The following TERB2 variants were observed in gnomAD, a reference collection of about 807,000 sequenced individuals.
The protein encoded by TERB2 is telomere repeats-binding bouquet formation protein 2.
A neutral mutation model predicts 29.8 loss-of-function variants in TERB2; 26 were observed. The observed-to-expected ratio is 0.87, with a 90% CI of 0.64 to 1.21. The LOEUF is 1.21. Ranked by LOEUF, TERB2 falls within the 50% of genes most tolerant of loss-of-function variation. The pLI, the probability that TERB2 is intolerant of heterozygous loss-of-function variation, is 0.00. For synonymous variants in TERB2, 80 were observed against 90.8 expected, an observed-to-expected ratio of 0.88 and a Z score of 0.68; for missense variants, 240 against 268.6, an observed-to-expected ratio of 0.89 and a Z score of 0.74.
rs777045402 is a variant in TERB2, at chr15:44,961,570, T to A, written c.334T>A (p.Phe112Ile). 6.9e-6 allele frequency: 11 copies of A among 1,594,526 alleles called. No homozygotes were observed. The highest frequency in any genetic ancestry group is 9.4e-6 in the Non-Finnish European group (11 of 1,170,736). The change falls in exon 4 of 7, where the codon TTT becomes ATT. Residue 112 changes from phenylalanine (F) to isoleucine (I), a missense_variant. Physicochemically the swap from Phe to Ile is conservative, Grantham distance 21 (BLOSUM62 0). Coordinates refer to ENST00000340827, the MANE Select transcript of TERB2 (RefSeq NM_152448.3). ...GSFIWEQDQHFLIEKHDEVTP... is the reference protein window; with the variant it reads ...GSFIWEQDQHILIEKHDEVTP... ...TTTTATTTGGGAACAAGACCAACAT[T>A]TTCTGATAGAAAAGGTAAGAGTAAA...
intron 2 of TERB2, among the ~76,000 whole-genome samples, chr15:44,957,474 A>G (rs1184397463): frequency 6.6e-6 from 1 of 151,898 alleles, no homozygotes; most frequent in Non-Finnish European, 1.5e-5. Flanking sequence ...CTCATACTCA[A>G]TGTCTAAATC....
chr15:44,964,988 C>A (rs1489392339), intron 4 of TERB2, among the ~76,000 whole-genome samples: 3 of 151,282 alleles, frequency 2.0e-5, no homozygotes, highest in Non-Finnish European at 2.9e-5. Flanking sequence ...ATGGCAAAAC[C>A]CCGTCTCTAC....
intron 4 of TERB2, among the ~76,000 whole-genome samples, chr15:44,962,459 G>A (rs2141240028): frequency 6.6e-6 from 1 of 152,152 alleles, no homozygotes; most frequent in African/African-American, 2.4e-5. Flanking sequence ...AAAGTGCTGG[G>A]ATTACAGGCG....
At chr15:44,969,391 C>G (rs891563881) in intron 5 of TERB2, among the ~76,000 whole-genome samples, 1 of 152,194 alleles carries the variant, frequency 6.6e-6, no homozygotes, top group South Asian at 2.1e-4. Context: ...TATAGGTGTG[C>G]GCCAACTCGC....
chr15:44,973,385 GAA>G (rs1361161450), intron 5 of TERB2, among the ~76,000 whole-genome samples: 1 of 152,062 alleles, frequency 6.6e-6, no homozygotes, highest in East Asian at 1.9e-4. Context: ...GGGATATGGA[GAA>G]AAAGACCCAG....
chr15:44,979,084 C>A lies in TERB2; in HGVS notation c.*456C>A, dbSNP rs1892088338. 6.6e-6 allele frequency: 1 copy of A among 152,096 alleles called. No individual in the cohort carries two copies. The highest frequency in any genetic ancestry group is 2.4e-5 in the African/African-American group (1 of 41,394). 9.4% of individuals were successfully genotyped at this position (152,096 alleles called of 1,614,324 possible). A position where few individuals can be genotyped will look rare whatever the true frequency, so the allele number is the denominator to read the frequency against. On this transcript the variant is annotated 3_prime_UTR_variant, in exon 7 of 7. Coordinates refer to ENST00000340827, the MANE Select transcript of TERB2 (RefSeq NM_152448.3). ...TGCTAAGTTTTATTAATCTGGTCAT[C>A]TTATTTTGATTTTAAAAATTAGGAT...
At chr15:44,968,552 C>A (rs60862121) in intron 5 of TERB2, among the ~76,000 whole-genome samples, 2,481 of 144,886 alleles carry the variant, frequency 0.017, 22 homozygotes, top group Middle Eastern at 0.033. Flanking sequence ...ATGATGTGTA[C>A]TGGCAGCATA....
intron 2 of TERB2, among the ~76,000 whole-genome samples, chr15:44,957,604 C>G (rs1368697984): frequency 6.6e-6 from 1 of 152,166 alleles, no homozygotes; most frequent in Non-Finnish European, 1.5e-5. Flanking sequence ...TGAATTAGAT[C>G]CCTGTAATTG....
intron 5 of TERB2, among the ~76,000 whole-genome samples, chr15:44,966,858 G>T (rs1032110674): frequency 2.6e-5 from 4 of 152,152 alleles, no homozygotes; most frequent in Admixed American, 2.0e-4. Flanking sequence ...CAGCACTTAG[G>T]GAGGCTGAAG....
At chr15:44,958,280 C>G in intron 2 of TERB2, 93 bp from the exon 3 acceptor site, 7 of 1,406,092 alleles carry the variant, frequency 5.0e-6, no homozygotes, top group Non-Finnish European at 5.7e-6. Flanking sequence ...ATGTAATCGT[C>G]TCCCTACTTC....
At position 44,961,543 on chromosome 15, in the gene TERB2, A is replaced by T; in HGVS notation, c.307A>T (p.Ser103Cys). The change falls in exon 4 of 7, where the codon AGT becomes TGT. Residue 103 changes from serine to cysteine, a missense_variant. Coordinates refer to ENST00000340827, the MANE Select transcript of TERB2 (RefSeq NM_152448.3). ...LQKEIRRKIG[S>C]FIWEQDQHFL... is the part of the protein sequence containing the mutation. ...CACAGAAATAAGAAGAAAAATTGGT[A>T]GTTTTATTTGGGAACAAGACCAACA... 1 of 1,597,280 alleles carries T rather than the reference A, an allele frequency of 6.3e-7. No individual in the cohort carries two copies. The highest frequency in any genetic ancestry group is 1.1e-5 in the South Asian group (1 of 87,588).
chr15:44,956,960 G>A lies in TERB2; in HGVS notation c.129G>A (p.Ser43=). The change falls in exon 2 of 7, where the codon TCG becomes TCA. Residue 43 remains serine, a synonymous_variant. Transcript: ENST00000340827. ...AADFLFSCDA[S]HPDTLRIYQS... ...ACTTCTTGTTCAGCTGTGATGCCTCGCACCCAGACACGCTGAGGTACTGAG... is the reference window on the plus strand; with the variant it reads ...ACTTCTTGTTCAGCTGTGATGCCTCACACCCAGACACGCTGAGGTACTGAG... 2 of 1,613,592 alleles carry A rather than the reference G, an allele frequency of 1.2e-6. No individual in the cohort carries two copies. Among genetic ancestry groups the A allele is most frequent in the Non-Finnish European group, 1.7e-6 (2 of 1,179,924 alleles).
At chr15:44,959,122 T>C (rs1209595933) in intron 3 of TERB2, among the ~76,000 whole-genome samples, 3 of 149,884 alleles carry the variant, frequency 2.0e-5, no homozygotes, top group African/African-American at 7.3e-5. Flanking sequence ...CTTTTGAATC[T>C]CTTCATTATT....
At chr15:44,966,433 ATTAAGTAC>A (rs1891889882) in intron 5 of TERB2, among the ~76,000 whole-genome samples, 190 bp downstream of exon 5, 1 of 152,174 alleles carries the variant, frequency 6.6e-6, no homozygotes, top group East Asian at 1.9e-4. Context: ...TACAAACTTT[ATTAAGTAC>A]GGGAGAAGCA....
At position 44,961,495 on chromosome 15, in the gene TERB2, A is replaced by C. The variant is rs550322825; in HGVS notation, c.287-28A>C. 50 of 1,512,728 alleles carry C rather than the reference A, an allele frequency of 3.3e-5. 1 individual carries two copies. The South Asian group carries it at 5.8e-4, about 18-fold the overall frequency. 93.7% of individuals were successfully genotyped at this position (1,512,728 alleles called of 1,614,324 possible). ...GATTCTTAAAAAAAAAAACCAAAAC[A>C]GTATTGGATTTGTTTTTCTCACCAC... On this transcript the variant is annotated intron_variant, in intron 3 of 6. Coordinates refer to ENST00000340827, the MANE Select transcript of TERB2 (RefSeq NM_152448.3).
At chr15:44,973,351 T>C (rs147238593) in intron 5 of TERB2, among the ~76,000 whole-genome samples, 2 of 152,210 alleles carry the variant, frequency 1.3e-5, no homozygotes, top group African/African-American at 2.4e-5. Context: ...TCTAAATATA[T>C]AGTATTGCAT....
chr15:44,975,955 G>T (rs1320487101), intron 6 of TERB2: 1 of 152,092 alleles, frequency 6.6e-6, no homozygotes, highest in African/African-American at 2.4e-5. Flanking sequence ...AAATCAAAAG[G>T]TTCTGATAAT....
rs1017117750 is a variant in TERB2 at position 44,973,100 on chromosome 15, C to T, written c.435-767C>T. On this transcript the variant is annotated intron_variant, in intron 5 of 6. Coordinates refer to ENST00000340827, the MANE Select transcript of TERB2 (RefSeq NM_152448.3). The stretch of plus-strand genomic sequence containing the variant: ...TTCACCATGTTGGCCAGGCTGGTCT[C>T]GAACTCCTGACCTCAGGTGATCCAC... Among the ~76,000 whole-genome samples, 5 of 151,936 alleles carry T rather than the reference C, an allele frequency of 3.3e-5. No individual in the cohort carries two copies. The East Asian group carries it at 5.8e-4, about 18-fold the overall frequency.
chr15:44,965,362 G>A (rs1353453820), intron 4 of TERB2, among the ~76,000 whole-genome samples: 2 of 146,780 alleles, frequency 1.4e-5, no homozygotes, highest in African/African-American at 5.0e-5. Flanking sequence ...ATACTTCACT[G>A]TCCTTTTGAA....
Sources: allele counts gnomAD v4.1 joint callset (sites outside exome capture counted in the v4.1 genomes callset), GRCh38; gene constraint gnomAD v4.1.1; transcripts MANE v1.5; gene names NCBI Gene and HGNC (gene_info 2026-07-23, HGNC 2026-07-21).